The following CNTN6 variants were observed in gnomAD, a reference collection of about 807,000 sequenced individuals.
The protein encoded by CNTN6 is contactin-6.
In CNTN6, 137 loss-of-function variants were observed where a neutral mutation model predicts 122.8. The observed-to-expected ratio is 1.12, with a 90% CI of 0.97 to 1.29. The LOEUF is 1.29. Ranked by LOEUF, CNTN6 falls within the 50% of genes most tolerant of loss-of-function variation. The pLI is 0.00. For synonymous variants in CNTN6, 570 were observed against 426.0 expected, an observed-to-expected ratio of 1.34 and a Z score of -4.16; for missense variants, 1,634 against 1,223.4, an observed-to-expected ratio of 1.34 and a Z score of -5.01.
At chr3:1,301,949 A>C (rs532134388) in intron 7 of CNTN6, among the ~76,000 whole-genome samples, 6 of 152,340 alleles carry the variant, frequency 3.9e-5, no homozygotes, top group African/African-American at 1.4e-4. Flanking sequence ...TTGCAAACAT[A>C]CTGAAAATGC....
chr3:1,263,787 A>G (rs181701685), intron 4 of CNTN6, among the ~76,000 whole-genome samples: 2 of 152,122 alleles, frequency 1.3e-5, no homozygotes, highest in Admixed American at 1.3e-4. Flanking sequence ...GAGCACACTG[A>G]AATAAAGTAA....
intron 17 of CNTN6, among the ~76,000 whole-genome samples, chr3:1,377,559 C>T (rs1490829578): frequency 6.6e-6 from 1 of 152,134 alleles, no homozygotes. Context: ...CATACAGGCT[C>T]ATTTTTTTAC....
At chr3:1,188,269 C>T (rs2093656270) in intron 2 of CNTN6, among the ~76,000 whole-genome samples, 1 of 152,160 alleles carries the variant, frequency 6.6e-6, no homozygotes, top group Non-Finnish European at 1.5e-5. Context: ...GACTTCTCCC[C>T]TCCTCCTTTC....
At chr3:1,299,123 T>A (rs1251054410) in intron 7 of CNTN6, among the ~76,000 whole-genome samples, 1 of 152,180 alleles carries the variant, frequency 6.6e-6, no homozygotes, top group Non-Finnish European at 1.5e-5. Context: ...AGACCGTATT[T>A]TATTTTCATA....
chr3:1,189,939 G>C (rs2093677863), intron 2 of CNTN6, among the ~76,000 whole-genome samples: 1 of 152,168 alleles, frequency 6.6e-6, no homozygotes, highest in African/African-American at 2.4e-5. Context: ...TATGAATTTA[G>C]GTTCTCAGAC....
chr3:1,249,988 T>G (rs2094638037), intron 4 of CNTN6, among the ~76,000 whole-genome samples: 2 of 152,160 alleles, frequency 1.3e-5, no homozygotes, highest in African/African-American at 4.8e-5. Flanking sequence ...CAGTACTCAT[T>G]TAGAAAGCAA....
At chr3:1,245,881 C>T (rs1453007219) in intron 4 of CNTN6, among the ~76,000 whole-genome samples, 1 of 151,312 alleles carries the variant, frequency 6.6e-6, no homozygotes, top group Non-Finnish European at 1.5e-5. Flanking sequence ...TCTTGGGCCA[C>T]ATATAAAATA....
intron 17 of CNTN6, among the ~76,000 whole-genome samples, chr3:1,382,342 G>C (rs542162036): frequency 2.5e-4 from 38 of 152,148 alleles, no homozygotes; most frequent in Non-Finnish European, 5.1e-4. Context: ...GTATTTTATA[G>C]AATCTGATCT....
chr3:1,286,332 T>A (rs1004645015), intron 5 of CNTN6, among the ~76,000 whole-genome samples: 5 of 152,190 alleles, frequency 3.3e-5, no homozygotes, highest in Non-Finnish European at 7.3e-5. Flanking sequence ...TTTCTCCTAA[T>A]GCTATCCCTC....
At chr3:1,341,886 C>T (rs978120879) in intron 11 of CNTN6, among the ~76,000 whole-genome samples, 7 of 152,070 alleles carry the variant, frequency 4.6e-5, no homozygotes, top group African/African-American at 7.2e-5. Flanking sequence ...GCACCAGTAA[C>T]GTTCTCATTT....
intron 22 of CNTN6, among the ~76,000 whole-genome samples, chr3:1,402,957 CCAGT>C (rs999964297): frequency 5.3e-5 from 8 of 152,036 alleles, no homozygotes; most frequent in African/African-American, 1.7e-4. Flanking sequence ...CCAACCAACA[CCAGT>C]CAGTCAGAGT....
chr3:1,242,832 G>C (rs958046629), intron 4 of CNTN6, among the ~76,000 whole-genome samples: 9 of 152,118 alleles, frequency 5.9e-5, no homozygotes, highest in African/African-American at 2.2e-4. Flanking sequence ...ATAAAAGAGT[G>C]CTGTCCAAGT....
chr3:1,215,769 C>T (rs893616362), intron 2 of CNTN6, among the ~76,000 whole-genome samples: 13 of 150,934 alleles, frequency 8.6e-5, no homozygotes, highest in African/African-American at 3.1e-4. Flanking sequence ...AAACTGTGTA[C>T]AGAAAATTCA....
intron 4 of CNTN6, among the ~76,000 whole-genome samples, chr3:1,238,386 A>G (rs2094446028): frequency 6.6e-6 from 1 of 152,196 alleles, no homozygotes; most frequent in Non-Finnish European, 1.5e-5. Context: ...CAACAGGAAA[A>G]TATCACAGTT....
chr3:1,372,426 T>C lies in CNTN6; in HGVS notation c.1620T>C (p.Asp540=), dbSNP rs749930018. ...EVVFVWFFNG[D]VIDLKKGVAH... is the part of the protein sequence containing the mutation. ...TATTTGTATGGTTTTTCAATGGAGA[T>C]GTCATAGACTTAAAAAAAGGAGTGG... The change falls in exon 13 of 23, where the codon GAT becomes GAC. Residue 540 remains aspartate, a synonymous_variant. Transcript: ENST00000446702. 1 of 1,612,530 alleles carries C rather than the reference T, an allele frequency of 6.2e-7. No homozygotes were observed. The highest frequency in any genetic ancestry group is 8.5e-7 in the Non-Finnish European group (1 of 1,179,380).
intron 1 of CNTN6, among the ~76,000 whole-genome samples, chr3:1,142,925 A>G (rs1215553284): frequency 6.7e-6 from 1 of 150,052 alleles, no homozygotes; most frequent in Admixed American, 6.7e-5. Flanking sequence ...TATTATAGAC[A>G]GATATGTACA....
At chr3:1,388,884 G>T (rs368493460) in intron 20 of CNTN6, among the ~76,000 whole-genome samples, 1 of 135,778 alleles carries the variant, frequency 7.4e-6, no homozygotes, top group Non-Finnish European at 1.6e-5. Flanking sequence ...AAAGAAACGA[G>T]CAAAGCCTCC....
In CNTN6 at chr3:1,273,532, A is replaced by ATACAGAT. The variant is rs568746811; in HGVS notation, c.359-4879_359-4873dup. 1.5e-4 allele frequency among the ~76,000 whole-genome samples: 23 copies of ATACAGAT among 152,346 alleles called. 1 individual carries two copies. The South Asian group carries it at 4.1e-3, about 27-fold the overall frequency. On this transcript the variant is annotated intron_variant, in intron 4 of 22. Transcript: ENST00000446702. The stretch of plus-strand genomic sequence containing the variant: ...TCCAGCTAGCAGAAGGGTATTTGAA[A>ATACAGAT]TACAGATTGGATCTGTACAATAGAC...
At chr3:1,104,347 G>C (rs1224936894) in intron 1 of CNTN6, among the ~76,000 whole-genome samples, 7 of 152,086 alleles carry the variant, frequency 4.6e-5, no homozygotes, top group Non-Finnish European at 8.8e-5. Context: ...TTATTCCTCT[G>C]TTTTTATAGA....
Sources: gnomAD v4.1 joint callset for allele counts (sites outside exome capture counted in the v4.1 genomes callset) on GRCh38, gnomAD v4.1.1 for gene constraint, MANE v1.5 for transcripts, NCBI Gene and HGNC (gene_info 2026-07-23, HGNC 2026-07-21) for gene names.